The following CEBPZOS variants were observed in gnomAD, a reference collection of about 807,000 sequenced individuals.
CEBPZOS encodes the protein protein CEBPZOS.
Under a neutral mutation model 4.8 loss-of-function variants are expected in CEBPZOS, and 10 were observed. The ratio of observed to expected loss-of-function variants is 2.07; its 90% CI spans 1.28 to 3.52. CEBPZOS has a LOEUF of 3.52. CEBPZOS is among the 30% of genes most tolerant of loss of function. The pLI is 0.00. For missense variants in CEBPZOS, 98 were observed against 43.6 expected (o/e 2.25, Z -3.51); for synonymous variants, 25 against 14.2 (o/e 1.77, Z -1.72).
chr2:37,213,669 C>T, exon 5 of CEBPZOS: 1 of 466,302 alleles, frequency 2.1e-6, no homozygotes. Context: ...CTGCCTCGGC[C>T]TGCCAAAGTG....
chr2:37,198,616 G>A (rs1405430634), intron 1 of CEBPZOS: 1 of 152,164 alleles, frequency 6.6e-6, no homozygotes. Context: ...CTCCTCTTCT[G>A]GACTTTGAGG....
In CEBPZOS at chr2:37,203,694, A is replaced by C. The variant is rs1156532863; in HGVS notation, c.*1834A>C. Reference sequence around the variant, plus strand: ...GTCTGATTTTAGAACATTTCCATCAACTTCAAAGATCCCTGGTGCCATTTG... The same window carrying C: ...GTCTGATTTTAGAACATTTCCATCACCTTCAAAGATCCCTGGTGCCATTTG... On this transcript the variant is annotated 3_prime_UTR_variant, in exon 5 of 5. Coordinates refer to ENST00000402297, the MANE Select transcript of CEBPZOS (RefSeq NM_001322374.2). 1 of 152,248 alleles carries C rather than the reference A, an allele frequency of 6.6e-6. No homozygotes were observed. The highest frequency in any genetic ancestry group is 1.5e-5 in the Non-Finnish European group (1 of 68,042). The allele number at this position is 152,248 out of a possible 1,614,324, so 9.4% of individuals were successfully genotyped here.
downstream of CEBPZOS, among the ~76,000 whole-genome samples, chr2:37,207,009 T>C (rs553323349): frequency 5.9e-5 from 9 of 152,296 alleles, no homozygotes; most frequent in South Asian, 1.5e-3. Context: ...GCTATTCTTA[T>C]ATCAGACAAA....
intron 4 of CEBPZOS, chr2:37,212,714 G>A (rs1286133833): frequency 2.3e-5 from 7 of 307,730 alleles, no homozygotes; most frequent in Non-Finnish European, 3.6e-5. Context: ...AACTACTTAA[G>A]TGCTCATTTT....
At chr2:37,213,612 C>T (rs539813668) in exon 5 of CEBPZOS, 26 of 312,824 alleles carry the variant, frequency 8.3e-5, no homozygotes, top group Non-Finnish European at 1.4e-4. Flanking sequence ...CAGGGTTTCA[C>T]CATATTGGCC....
intron 1 of CEBPZOS, among the ~76,000 whole-genome samples, chr2:37,197,702 T>G (rs1382414565): frequency 2.0e-5 from 3 of 151,684 alleles, no homozygotes; most frequent in Non-Finnish European, 2.9e-5. Context: ...TCATCTCTAC[T>G]AAACATACAA....
In CEBPZOS at chr2:37,202,984, A is replaced by G; in HGVS notation, c.*1124A>G. ...AGATACAAATAGGCTGGAATCATTT[A>G]AGTTTCTTTTCTTTTTTCTTGGCCC... On this transcript the variant is annotated 3_prime_UTR_variant, in exon 5 of 5. Transcript: ENST00000402297. 1 of 1,554,876 alleles carries G rather than the reference A, an allele frequency of 6.4e-7. No individual in the cohort carries two copies. Among genetic ancestry groups the G allele is most frequent in the Non-Finnish European group, 8.7e-7 (1 of 1,154,230 alleles).
At chr2:37,210,765 G>GA (rs1477142452) in intron 4 of CEBPZOS, 3 of 419,908 alleles carry the variant, frequency 7.1e-6, no homozygotes, top group Non-Finnish European at 1.3e-5. Flanking sequence ...AAAAACAACT[G>GA]AAATAATGAT....
chr2:37,196,986 T>G (rs1442571439), intron 1 of CEBPZOS, among the ~76,000 whole-genome samples: 1 of 152,186 alleles, frequency 6.6e-6, no homozygotes, highest in Non-Finnish European at 1.5e-5. Flanking sequence ...CCGCCCCGAT[T>G]CCCTGGAGCG....
At chr2:37,205,315 A>G (rs1003858772), downstream of CEBPZOS, among the ~76,000 whole-genome samples, 2 of 152,146 alleles carry the variant, frequency 1.3e-5, no homozygotes, top group African/African-American at 4.8e-5. Flanking sequence ...AACTGATGAC[A>G]TTCCACCACA....
chr2:37,199,370 G>C (rs1159125009), intron 1 of CEBPZOS, among the ~76,000 whole-genome samples: 2 of 152,114 alleles, frequency 1.3e-5, no homozygotes, highest in Admixed American at 1.3e-4. Flanking sequence ...TTAACTCCCA[G>C]TGCAGCTAAA....
In CEBPZOS at chr2:37,201,804, C is replaced by T. The variant is rs773267004; in HGVS notation, c.*3-59C>T. On this transcript the variant is annotated intron_variant, in intron 4 of 4. Coordinates refer to ENST00000402297, the MANE Select transcript of CEBPZOS (RefSeq NM_001322374.2). ...TTTAGTTTTTTGAGTGGTTTTAATC[C>T]TCTTCTTTTTAAAATGTTTCTTTTT... 3.8e-6 allele frequency: 6 copies of T among 1,570,498 alleles called. No individual in the cohort carries two copies. The South Asian group carries it at 5.5e-5, about 15-fold the overall frequency.
At chr2:37,214,099 T>G (rs189511357), downstream of CEBPZOS, 1,063 of 482,626 alleles carry the variant, frequency 2.2e-3, 3 homozygotes, top group Non-Finnish European at 3.1e-3. Context: ...ATGACTGAAA[T>G]TTGTATCTAA....
chr2:37,201,129 ACTT>A lies in CEBPZOS; in HGVS notation c.160+42_160+44del, dbSNP rs542639531. ...CTTAAGTAAAAATAAGTATAAAACAACTTCTTCAGGTAACCTATAAATTATGTA... is the reference window on the plus strand; with the variant it reads ...CTTAAGTAAAAATAAGTATAAAACAACTTCAGGTAACCTATAAATTATGTA... On this transcript the variant is annotated intron_variant, in intron 3 of 4. Transcript: ENST00000402297. 1.6e-4 allele frequency: 110 copies of A among 705,782 alleles called. 1 individual carries two copies. Among genetic ancestry groups the A allele is most frequent in the Admixed American group, 2.5e-4 (12 of 47,242 alleles). 43.7% of individuals were successfully genotyped at this position (705,782 alleles called of 1,614,324 possible).
chr2:37,198,892 G>A (rs1161826701), intron 1 of CEBPZOS, among the ~76,000 whole-genome samples: 2 of 152,160 alleles, frequency 1.3e-5, no homozygotes, highest in East Asian at 3.9e-4. Context: ...ACTGGCTCAT[G>A]CCTGTAATCC....
chr2:37,211,215 C>A, intron 4 of CEBPZOS: 2 of 543,228 alleles, frequency 3.7e-6, no homozygotes, highest in Non-Finnish European at 3.2e-6. Flanking sequence ...TTTTGTAATT[C>A]CACTAGCATA....
chr2:37,213,589 T>G, exon 5 of CEBPZOS: 1 of 244,238 alleles, frequency 4.1e-6, no homozygotes. Context: ...TTTTTTGGGG[T>G]TTTTAGTAGA....
intron 4 of CEBPZOS, chr2:37,212,323 G>C: frequency 1.2e-6 from 2 of 1,609,304 alleles, no homozygotes; most frequent in Non-Finnish European, 8.5e-7. Context: ...GGAGAAGATA[G>C]AAGTATGTTA....
intron 4 of CEBPZOS, chr2:37,211,205 T>A (rs759072912): frequency 2.7e-4 from 153 of 565,158 alleles, no homozygotes; most frequent in South Asian, 8.3e-4. Context: ...TCCATGTGGG[T>A]TTTGTAATTC....
Sources: allele counts gnomAD v4.1 joint callset (sites outside exome capture counted in the v4.1 genomes callset), GRCh38; gene constraint gnomAD v4.1.1; transcripts MANE v1.5; gene names NCBI Gene and HGNC (gene_info 2026-07-23, HGNC 2026-07-21).